The following WDR3 variants were observed in gnomAD, a reference collection of about 807,000 sequenced individuals.
WDR3 encodes the protein WD repeat-containing protein 3.
In WDR3, 81 loss-of-function variants were observed where a neutral mutation model predicts 123.7. The observed-to-expected ratio is 0.65, with a 90% CI of 0.55 to 0.79. The LOEUF (loss-of-function observed/expected upper bound fraction) is 0.79. Ranked by LOEUF, WDR3 falls within the 30% of genes least tolerant of loss-of-function variation. The pLI is 0.00. For synonymous variants in WDR3, 390 were observed against 388.8 expected, an observed-to-expected ratio of 1.00 and a Z score of -0.04; for missense variants, 1,027 against 1,123.2, an observed-to-expected ratio of 0.91 and a Z score of 1.22.
At position 117,957,169 on chromosome 1, in the gene WDR3, T is replaced by C. The variant is rs199890965; in HGVS notation, c.2555T>C (p.Ile852Thr). The C allele has an allele frequency of 4.7e-5, 75 of 1,612,360 alleles. No homozygotes were observed. In the South Asian group the frequency reaches 6.2e-4, roughly 13 times the overall value. The change falls in exon 25 of 27, where the codon ATA (isoleucine) becomes ACA (threonine). Residue 852 changes from isoleucine (I) to threonine (T), a missense_variant. By Grantham distance (89) the Ile-to-Thr change is moderately conservative. Coordinates refer to ENST00000349139, the MANE Select transcript of WDR3 (RefSeq NM_006784.3). Reference sequence around the variant, plus strand: ...CAGCTGGGCTCTGATGTTGAACTTATATGCCGGTGCCTCTTCTTCCTCCTT... The same window carrying C: ...CAGCTGGGCTCTGATGTTGAACTTACATGCCGGTGCCTCTTCTTCCTCCTT... ...FIQLGSDVEL[I>T]CRCLFFLLRI...
chr1:117,949,810 G>A lies in WDR3; in HGVS notation c.1584G>A (p.Val528=). 6.2e-7 allele frequency: 1 copy of A among 1,613,884 alleles called. No homozygotes were observed. The highest frequency in any genetic ancestry group is 1.1e-5 in the South Asian group (1 of 91,064). ...KSVKFWDFEL[V]KDENSTQKRL... ...TCAAATTCTGGGATTTTGAGTTAGT[G>A]AAAGATGAAAATAGTACCCAAAAGA... The change falls in exon 14 of 27, where the codon GTG becomes GTA. Residue 528 remains valine (V), a synonymous_variant. Transcript: ENST00000349139.
intron 17 of WDR3, 104 bp from the exon 18 acceptor site, chr1:117,952,193 G>A: frequency 7.0e-7 from 1 of 1,438,116 alleles, no homozygotes; most frequent in Non-Finnish European, 9.6e-7. Context: ...CTAAAATATA[G>A]TCAGACACCC....
chr1:117,957,509 A>G (rs1652390881), intron 25 of WDR3, among the ~76,000 whole-genome samples: 1 of 152,206 alleles, frequency 6.6e-6, no homozygotes, highest in Non-Finnish European at 1.5e-5. Context: ...CAATCTTAAG[A>G]TAGCTCTGGT....
Position 117,952,645 on chromosome 1 carries a change from G to A in WDR3, c.2134G>A (p.Glu712Lys). The change falls in exon 19 of 27, where the codon GAG (glutamate) becomes AAG (lysine). Residue 712 changes from glutamate to lysine, a missense_variant. Glu to Lys is a moderately conservative substitution (Grantham distance 56). Transcript: ENST00000349139. ...WERTREPLIL[E>K]EEREMEREAE... ...GAGAACAAGGGAGCCTCTTATTCTT[G>A]AGGAAGAAAGGGAGATGGTAAGAAC... 6.2e-7 allele frequency: 1 copy of A among 1,612,836 alleles called. No individual in the cohort carries two copies. Among genetic ancestry groups the A allele is most frequent in the East Asian group, 2.2e-5 (1 of 44,866 alleles).
Position 117,933,143 on chromosome 1 carries a change from G to A in WDR3, c.-32-145G>A. On this transcript the variant is annotated intron_variant, in intron 1 of 26. Coordinates refer to ENST00000349139, the MANE Select transcript of WDR3 (RefSeq NM_006784.3). ...CGCTTGAACCTAGGAGGTGGAGTCA[G>A]CTGTGAGCCAGGATCCCACCACTGC... 4 of 575,874 alleles carry A rather than the reference G, an allele frequency of 6.9e-6. 1 individual carries two copies. The South Asian group carries it at 1.1e-4, about 16-fold the overall frequency. 35.7% of individuals were successfully genotyped at this position (575,874 alleles called of 1,614,324 possible).
intron 6 of WDR3, among the ~76,000 whole-genome samples, chr1:117,939,971 T>C (rs1245464089): frequency 1.3e-5 from 2 of 152,230 alleles, no homozygotes; most frequent in Non-Finnish European, 1.5e-5. Flanking sequence ...AGAATTTACA[T>C]AGAAGAAAAG....
intron 6 of WDR3, among the ~76,000 whole-genome samples, chr1:117,940,462 G>A (rs1651100916): frequency 1.1e-4 from 16 of 152,176 alleles, no homozygotes; most frequent in Admixed American, 9.8e-4. Context: ...AGTGGTTCAT[G>A]CCTATAATCC....
chr1:117,955,998 C>G (rs1411213801), intron 24 of WDR3, among the ~76,000 whole-genome samples: 1 of 152,060 alleles, frequency 6.6e-6, no homozygotes, highest in Non-Finnish European at 1.5e-5. Context: ...GGTGATTATA[C>G]TGATTTTTAG....
intron 4 of WDR3, 132 bp from the exon 5 acceptor site, chr1:117,938,348 G>C: frequency 1.6e-6 from 1 of 635,446 alleles, no homozygotes; most frequent in Non-Finnish European, 2.6e-6. Context: ...AGTAAGATCA[G>C]AGAGAATCGG....
chr1:117,958,823 T>G, intron 25 of WDR3, 87 bp from the exon 26 acceptor site: 2 of 922,232 alleles, frequency 2.2e-6, no homozygotes, highest in Non-Finnish European at 1.7e-6. Context: ...GTTGTTGCTT[T>G]GATATTGTGT....
chr1:117,955,230 CCT>C, intron 23 of WDR3, 83 bp from the exon 24 acceptor site: 2 of 1,138,346 alleles, frequency 1.8e-6, no homozygotes, highest in East Asian at 5.0e-5. Flanking sequence ...AGGAGGGGTT[CCT>C]GTTTTATAGG....
intron 1 of WDR3, among the ~76,000 whole-genome samples, chr1:117,930,186 G>A (rs1195851009): frequency 6.6e-6 from 1 of 152,208 alleles, no homozygotes; most frequent in African/African-American, 2.4e-5. Context: ...GTTAGGAAGC[G>A]GAGATCATGG....
At chr1:117,948,262 A>G in intron 12 of WDR3, 143 bp from the exon 13 acceptor site, 1 of 655,892 alleles carries the variant, frequency 1.5e-6, no homozygotes, top group South Asian at 1.9e-5. Context: ...GAAATACAGA[A>G]CATGGAATGT....
intron 9 of WDR3, 72 bp from the exon 10 acceptor site, chr1:117,942,365 T>C: frequency 7.5e-7 from 1 of 1,341,402 alleles, no homozygotes; most frequent in Non-Finnish European, 1.1e-6. Context: ...GGGGCCAGAT[T>C]TTGAACTCAA....
In WDR3 at chr1:117,953,538, AG is replaced by A; in HGVS notation, c.2266del (p.Ala756GlnfsTer19). 6.2e-7 allele frequency: 1 copy of A among 1,612,530 alleles called. No individual in the cohort carries two copies. Among genetic ancestry groups the A allele is most frequent in the Non-Finnish European group, 8.5e-7 (1 of 1,178,976 alleles). The stretch of plus-strand genomic sequence containing the variant: ...GAAAGAAAACTATTGAAACAGTGAA[AG>A]CAGTAAGTTGATATAGAATGTGGTA... ...TGKKTIETVK[A>X]AERIMEAIEL... On this transcript the variant is annotated frameshift_variant and splice_region_variant, in exon 21 of 27. Coordinates refer to ENST00000349139, the MANE Select transcript of WDR3 (RefSeq NM_006784.3). LOFTEE classifies it high-confidence loss of function.
chr1:117,958,159 A>G (rs751506652), intron 25 of WDR3, among the ~76,000 whole-genome samples: 6 of 152,204 alleles, frequency 3.9e-5, no homozygotes, highest in Non-Finnish European at 7.3e-5. Context: ...TTAAACAGGT[A>G]TATGTAGTGA....
rs1478176419 is a variant in WDR3, at chr1:117,934,043, A to C, written c.172-430A>C. The stretch of plus-strand genomic sequence containing the variant: ...GGTTAGTACTTTGATTCTTGTTGCC[A>C]CCAAGAGTCCTTTGTGGTTAAAACC... On this transcript the variant is annotated intron_variant, in intron 2 of 26. Coordinates refer to ENST00000349139, the MANE Select transcript of WDR3 (RefSeq NM_006784.3). Among the ~76,000 whole-genome samples the C allele has an allele frequency of 2.0e-5, 3 of 152,192 alleles. No homozygotes were observed. In the East Asian group the frequency reaches 5.8e-4, roughly 29 times the overall value.
intron 10 of WDR3, 73 bp downstream of exon 10, chr1:117,942,617 T>C (rs1233738255): frequency 7.5e-7 from 1 of 1,332,432 alleles, no homozygotes. Context: ...TTCATGCTAT[T>C]TGTAAGCTGT....
rs1651489872 is a variant in WDR3, at chr1:117,948,524, T to C, written c.1524+18T>C. The stretch of plus-strand genomic sequence containing the variant: ...CAGATCAGGTAACTAAACCAGATTT[T>C]AAAGCCCTGGAGTTCAGCCCTGTGG... On this transcript the variant is annotated intron_variant, in intron 13 of 26. Transcript: ENST00000349139. 1 of 1,604,660 alleles carries C rather than the reference T, an allele frequency of 6.2e-7. No homozygotes were observed. Among genetic ancestry groups the C allele is most frequent in the East Asian group, 2.2e-5 (1 of 44,750 alleles).
Sources: gnomAD v4.1 joint callset for allele counts (sites outside exome capture counted in the v4.1 genomes callset) on GRCh38, gnomAD v4.1.1 for gene constraint, MANE v1.5 for transcripts, NCBI Gene and HGNC (gene_info 2026-07-23, HGNC 2026-07-21) for gene names.